Variants in FANCC observed in about 807,000 individuals in gnomAD.
The protein encoded by FANCC is FA complementation group C, also known as Fanconi anemia group C protein.
Under a neutral mutation model 71.3 loss-of-function variants are expected in FANCC, and 55 were observed. That is an observed-to-expected ratio of 0.77 (90% CI 0.62 to 0.97). The LOEUF is 0.97. FANCC is among the 50% of genes least tolerant of loss of function. The pLI is 0.00. For synonymous variants in FANCC, 275 were observed against 244.9 expected, an observed-to-expected ratio of 1.12 and a Z score of -1.15; for missense variants, 678 against 670.9, an observed-to-expected ratio of 1.01 and a Z score of -0.12.
At chr9:95,289,294 C>CT (rs1833870977) in intron 1 of FANCC, among the ~76,000 whole-genome samples, 1 of 152,152 alleles carries the variant, frequency 6.6e-6, no homozygotes, top group African/African-American at 2.4e-5. Flanking sequence ...CACTATCTGT[C>CT]TGTCTCCTGC....
intron 12 of FANCC, among the ~76,000 whole-genome samples, chr9:95,113,251 C>T (rs1000140449): frequency 3.3e-5 from 5 of 152,194 alleles, no homozygotes; most frequent in South Asian, 2.1e-4. Context: ...CCATCAATCA[C>T]GGAGCTGGAC....
At chr9:95,139,150 G>A (rs1291132261) in intron 7 of FANCC, among the ~76,000 whole-genome samples, 1 of 152,176 alleles carries the variant, frequency 6.6e-6, no homozygotes, top group Admixed American at 6.5e-5. Flanking sequence ...TAAATAAAAA[G>A]GCAAATCACA....
At chr9:95,106,663 T>C (rs965023079) in intron 14 of FANCC, among the ~76,000 whole-genome samples, 4 of 152,342 alleles carry the variant, frequency 2.6e-5, no homozygotes, top group South Asian at 4.1e-4. Context: ...CAGAATTCTT[T>C]GCACTGTTGC....
chr9:95,243,793 C>CA lies in FANCC; in HGVS notation c.251-3051dup, dbSNP rs1261028529. On this transcript the variant is annotated intron_variant, in intron 3 of 14. Coordinates refer to ENST00000289081, the MANE Select transcript of FANCC (RefSeq NM_000136.3). The stretch of plus-strand genomic sequence containing the variant: ...TGGGTGAAAGAGCGAGACTCCATCT[C>CA]AAAAAAAAGCAATTCTGATATTATA... Among the ~76,000 whole-genome samples, 14 of 151,778 alleles carry CA rather than the reference C, an allele frequency of 9.2e-5. No individual in the cohort carries two copies. In the East Asian group the frequency reaches 1.9e-3, roughly 21 times the overall value.
intron 1 of FANCC, among the ~76,000 whole-genome samples, chr9:95,312,291 G>C (rs963334968): frequency 1.3e-5 from 2 of 152,168 alleles, no homozygotes; most frequent in Non-Finnish European, 2.9e-5. Context: ...AATCAGTCTG[G>C]GTCCAGTCAG....
At chr9:95,245,235 T>G (rs1830890180) in intron 3 of FANCC, among the ~76,000 whole-genome samples, 1 of 152,198 alleles carries the variant, frequency 6.6e-6, no homozygotes, top group East Asian at 1.9e-4. Flanking sequence ...CCTAGATCAA[T>G]GTTCTTCAAA....
At chr9:95,240,174 T>G (rs1160250659) in intron 4 of FANCC, among the ~76,000 whole-genome samples, 1 of 152,176 alleles carries the variant, frequency 6.6e-6, no homozygotes, top group East Asian at 1.9e-4. Context: ...CAAGATCCAG[T>G]CTGTGCATAT....
At chr9:95,308,962 T>G (rs1329906944) in intron 1 of FANCC, among the ~76,000 whole-genome samples, 7 of 152,142 alleles carry the variant, frequency 4.6e-5, no homozygotes, top group Non-Finnish European at 1.0e-4. Context: ...GAGTTATGAT[T>G]GCACTACTGC....
chr9:95,203,435 G>A (rs538856918), intron 4 of FANCC, among the ~76,000 whole-genome samples: 31 of 146,774 alleles, frequency 2.1e-4, no homozygotes, highest in African/African-American at 7.2e-4. Flanking sequence ...TTAAAACCTC[G>A]TAACCGCAGG....
chr9:95,147,496 A>G (rs972632729), intron 7 of FANCC, among the ~76,000 whole-genome samples: 5 of 152,224 alleles, frequency 3.3e-5, no homozygotes, highest in South Asian at 4.1e-4. Context: ...AGCCTGGGCA[A>G]CAAGAGTGAA....
chr9:95,232,099 T>C (rs1379289776), intron 4 of FANCC, among the ~76,000 whole-genome samples: 1 of 152,142 alleles, frequency 6.6e-6, no homozygotes, highest in Non-Finnish European at 1.5e-5. Flanking sequence ...CTTACAATCA[T>C]GGTGGAAGGT....
At chr9:95,241,703 A>C (rs995190226) in intron 3 of FANCC, among the ~76,000 whole-genome samples, 2 of 152,182 alleles carry the variant, frequency 1.3e-5, no homozygotes, top group Non-Finnish European at 2.9e-5. Flanking sequence ...TCTGTCACCC[A>C]GGCTGGAGTG....
intron 6 of FANCC, among the ~76,000 whole-genome samples, chr9:95,158,468 A>G (rs1439476768): frequency 6.6e-6 from 1 of 152,214 alleles, no homozygotes; most frequent in Non-Finnish European, 1.5e-5. Context: ...AAAGGTGAAT[A>G]TTTGAGGAGA....
At chr9:95,185,357 T>C (rs1361735702) in intron 4 of FANCC, among the ~76,000 whole-genome samples, 1 of 152,174 alleles carries the variant, frequency 6.6e-6, no homozygotes, top group Non-Finnish European at 1.5e-5. Context: ...TTAAAATTTG[T>C]TGAGAAAAAA....
At chr9:95,312,753 G>A (rs958062565) in intron 1 of FANCC, among the ~76,000 whole-genome samples, 3 of 152,208 alleles carry the variant, frequency 2.0e-5, no homozygotes, top group Admixed American at 6.5e-5. Context: ...ATATAAGGAG[G>A]AGCCACTGCC....
chr9:95,169,252 T>C (rs1363519811), intron 6 of FANCC, among the ~76,000 whole-genome samples: 1 of 152,230 alleles, frequency 6.6e-6, no homozygotes, highest in Non-Finnish European at 1.5e-5. Context: ...AGTTTTGTCG[T>C]TGCATCTCAC....
At chr9:95,162,926 T>C (rs556458513) in intron 6 of FANCC, among the ~76,000 whole-genome samples, 8 of 152,338 alleles carry the variant, frequency 5.3e-5, no homozygotes, top group Non-Finnish European at 1.0e-4. Flanking sequence ...AATCTGTTGA[T>C]TGCTTCCTTT....
intron 1 of FANCC, among the ~76,000 whole-genome samples, chr9:95,260,268 T>C (rs1389995793): frequency 1.3e-5 from 2 of 152,094 alleles, no homozygotes; most frequent in Admixed American, 1.3e-4. Flanking sequence ...CTATTCACAA[T>C]AGCAAAGACT....
At chr9:95,120,699 A>C (rs1417791048) in intron 10 of FANCC, among the ~76,000 whole-genome samples, 2 of 152,166 alleles carry the variant, frequency 1.3e-5, no homozygotes, top group African/African-American at 4.8e-5. Flanking sequence ...AAGTGCTGGG[A>C]TTACAGGCAT....
Sources: gnomAD v4.1 joint callset for allele counts (sites outside exome capture counted in the v4.1 genomes callset) on GRCh38, gnomAD v4.1.1 for gene constraint, MANE v1.5 for transcripts, NCBI Gene and HGNC (gene_info 2026-07-23, HGNC 2026-07-21) for gene names.